The following FRMPD4 variants were observed in gnomAD, a reference collection of about 807,000 sequenced individuals.
FRMPD4 encodes FERM and PDZ domain containing 4, also known as FERM and PDZ domain-containing protein 4.
Under a neutral mutation model 94.1 loss-of-function variants are expected in FRMPD4, and 22 were observed. The ratio of observed to expected loss-of-function variants is 0.23; its 90% confidence interval spans 0.17 to 0.33. The LOEUF is 0.33. FRMPD4 is among the 10% of genes least tolerant of loss of function. FRMPD4 has a pLI of 1.00. For synonymous variants in FRMPD4, 631 were observed against 548.6 expected (o/e 1.15, Z -2.10); for missense variants, 1,111 against 1,339.9 (o/e 0.83, Z 2.67).
At chrX:12,592,770 G>C (rs947349757) in intron 2 of FRMPD4, among the ~76,000 whole-genome samples, 66 of 111,917 alleles carry the variant, frequency 5.9e-4, no homozygotes, top group African/African-American at 2.0e-3. Flanking sequence ...TCACTGGAGG[G>C]TTTTTATTCT....
intron 1 of FRMPD4, among the ~76,000 whole-genome samples, chrX:12,249,087 C>T (rs113298641): frequency 0.015 from 1,743 of 112,727 alleles, 37 homozygotes; most frequent in African/African-American, 0.052. Flanking sequence ...GTAGTCAGGA[C>T]TTTTAAGCGT....
intron 1 of FRMPD4, among the ~76,000 whole-genome samples, chrX:12,193,790 G>GAA (rs1569186529): frequency 1.2e-4 from 3 of 24,193 alleles, no homozygotes; most frequent in Non-Finnish European, 2.0e-4. Flanking sequence ...AAGGAAGGAA[G>GAA]GAAGGAAGGA....
chrX:11,827,336 G>C (rs2053450023), intron 1 of FRMPD4, among the ~76,000 whole-genome samples: 1 of 108,808 alleles, frequency 9.2e-6, no homozygotes, highest in Non-Finnish European at 1.9e-5. Context: ...CTGTTCAAAT[G>C]GGTGACTTAG....
chrX:12,329,360 G>A (rs760101417), intron 1 of FRMPD4, among the ~76,000 whole-genome samples: 11 of 111,248 alleles, frequency 9.9e-5, no homozygotes, highest in Non-Finnish European at 2.1e-4. Flanking sequence ...GGCTGGCTCT[G>A]TGGCAAAGGG....
rs202193116 is a variant in FRMPD4 at position 12,712,069 on chromosome X, CT to C, written c.1609+1534del. ...AATCTGAGATTTAATCCAGTCCCATCTTGAGGTATCTGATTTTTTTTAATTT... is the reference window on the plus strand; with the variant it reads ...AATCTGAGATTTAATCCAGTCCCATCTGAGGTATCTGATTTTTTTTAATTT... On this transcript the variant is annotated intron_variant, in intron 14 of 16. Coordinates refer to ENST00000675598, the MANE Select transcript of FRMPD4 (RefSeq NM_001368397.1). 5.4e-3 allele frequency among the ~76,000 whole-genome samples: 606 copies of C among 111,417 alleles called. 12 individuals carry two copies. Among genetic ancestry groups the C allele is most frequent in the Admixed American group, 0.051 (529 of 10,451 alleles).
intron 3 of FRMPD4, among the ~76,000 whole-genome samples, chrX:12,096,290 G>C (rs1001746875): frequency 4.5e-5 from 5 of 112,352 alleles, no homozygotes; most frequent in African/African-American, 9.7e-5. Flanking sequence ...GAAAGTAAAA[G>C]TCACAGACTT....
At chrX:12,500,284 C>T (rs1217744380) in intron 2 of FRMPD4, among the ~76,000 whole-genome samples, 2 of 111,363 alleles carry the variant, frequency 1.8e-5, no homozygotes, top group Admixed American at 9.5e-5. Context: ...AGCCAAACAC[C>T]GGATCACCGT....
chrX:11,955,187 C>T (rs1182496680), intron 3 of FRMPD4, among the ~76,000 whole-genome samples: 1 of 111,213 alleles, frequency 9.0e-6, no homozygotes, highest in Non-Finnish European at 1.9e-5. Context: ...GAGGGCTGCA[C>T]TCTCATGACC....
chrX:12,665,301 G>A (rs1053113200), intron 4 of FRMPD4, among the ~76,000 whole-genome samples: 11 of 111,215 alleles, frequency 9.9e-5, no homozygotes, highest in South Asian at 3.9e-4. Context: ...AAAATTAGCC[G>A]GGCATGGTGG....
chrX:12,318,242 C>T (rs1406729410), intron 1 of FRMPD4, among the ~76,000 whole-genome samples: 1 of 112,655 alleles, frequency 8.9e-6, no homozygotes, highest in Non-Finnish European at 1.9e-5. Flanking sequence ...TATGTGGGAG[C>T]TGACCAGCTG....
rs1394151056 is a variant in FRMPD4 at position 11,909,428 on chromosome X, A to G, written c.95+31410A>G. Among the ~76,000 whole-genome samples, 11 of 111,219 alleles carry G rather than the reference A, an allele frequency of 9.9e-5. No homozygotes were observed. The Admixed American group carries it at 1.1e-3, about 11-fold the overall frequency. ...TTTATTCCTGACATTGTTGATATGT[A>G]TATTTCTTTTTTTTCTTGATTAGTC... On this transcript the variant is annotated intron_variant, in intron 3 of 18. Transcript: ENST00000640291.
chrX:12,216,941 G>C (rs963778326), intron 1 of FRMPD4, among the ~76,000 whole-genome samples: 1 of 111,668 alleles, frequency 9.0e-6, no homozygotes, highest in African/African-American at 3.3e-5. Flanking sequence ...TCTAAGCAAG[G>C]TTTCTGCTCT....
At chrX:12,450,445 C>T (rs2148135805) in intron 1 of FRMPD4, among the ~76,000 whole-genome samples, 1 of 111,400 alleles carries the variant, frequency 9.0e-6, no homozygotes, top group Non-Finnish European at 1.9e-5. Context: ...CCTATGAATC[C>T]ATGACACTGA....
chrX:11,933,695 G>A (rs183417666), intron 3 of FRMPD4, among the ~76,000 whole-genome samples: 278 of 112,299 alleles, frequency 2.5e-3, no homozygotes, highest in Non-Finnish European at 4.3e-3. Flanking sequence ...TGCATTTGTA[G>A]GATTGAAACC....
intron 1 of FRMPD4, among the ~76,000 whole-genome samples, chrX:12,354,913 T>A (rs1271183051): frequency 8.9e-6 from 1 of 111,965 alleles, no homozygotes; most frequent in Non-Finnish European, 1.9e-5. Context: ...ATTAAAGACG[T>A]TTGGGGAGAA....
At chrX:11,848,051 A>G (rs1393000498) in intron 1 of FRMPD4, among the ~76,000 whole-genome samples, 1 of 110,341 alleles carries the variant, frequency 9.1e-6, no homozygotes, top group Admixed American at 9.7e-5. Flanking sequence ...AAAAAATAAA[A>G]AATAAATAAA....
At chrX:12,597,947 A>C (rs1046034232) in intron 2 of FRMPD4, among the ~76,000 whole-genome samples, 4 of 112,391 alleles carry the variant, frequency 3.6e-5, no homozygotes, top group African/African-American at 1.3e-4. Flanking sequence ...TCCTCATTGT[A>C]TTTCAAGGTC....
At chrX:12,035,219 G>A (rs1321158056) in intron 3 of FRMPD4, among the ~76,000 whole-genome samples, 1 of 111,892 alleles carries the variant, frequency 8.9e-6, no homozygotes, top group African/African-American at 3.3e-5. Flanking sequence ...GTATTTTGGA[G>A]AGTCTTTCCC....
chrX:12,165,074 T>A (rs777268811), intron 1 of FRMPD4, among the ~76,000 whole-genome samples: 1 of 111,613 alleles, frequency 9.0e-6, no homozygotes, highest in Non-Finnish European at 1.9e-5. Context: ...TTTGTCAATT[T>A]TGGCTTTTGT....
Sources: allele counts gnomAD v4.1 joint callset (sites outside exome capture counted in the v4.1 genomes callset), GRCh38; gene constraint gnomAD v4.1.1; transcripts MANE v1.5; gene names NCBI Gene and HGNC (gene_info 2026-07-23, HGNC 2026-07-21).